Variants in ARPC1B observed in about 807,000 individuals in gnomAD.
ARPC1B encodes the protein actin related protein 2/3 complex subunit 1B.
ARPC1B carries 29 observed loss-of-function variants against 46.0 expected under a neutral mutation model. That is an observed-to-expected ratio of 0.63 (90% CI 0.47 to 0.86). ARPC1B has a LOEUF of 0.86. Ranked by LOEUF, ARPC1B falls within the 40% of genes least tolerant of loss-of-function variation. ARPC1B has a pLI of 0.00. For synonymous variants in ARPC1B, 201 were observed against 213.9 expected, an observed-to-expected ratio of 0.94 and a Z score of 0.53; for missense variants, 469 against 529.4, an observed-to-expected ratio of 0.89 and a Z score of 1.12.
intron 5 of ARPC1B, among the ~76,000 whole-genome samples, chr7:99,390,538 G>A (rs1325793875): frequency 5.3e-5 from 8 of 151,772 alleles, no homozygotes; most frequent in East Asian, 3.9e-4. Context: ...CACCATGCCC[G>A]GCTAATTTTT....
intron 8 of ARPC1B, 74 bp downstream of exon 8, chr7:99,392,950 G>T (rs983604905): frequency 8.9e-5 from 124 of 1,389,490 alleles, no homozygotes; most frequent in South Asian, 3.2e-4. Flanking sequence ...TGAGGAAGGG[G>T]CCTGGAGTCT....
rs1377015028 is a variant in ARPC1B at position 99,391,009 on chromosome 7, A to G, written c.617A>G (p.His206Arg). 3.1e-6 allele frequency: 5 copies of G among 1,613,874 alleles called. No individual in the cohort carries two copies. Among genetic ancestry groups the G allele is most frequent in the Admixed American group, 1.7e-5 (1 of 60,010 alleles). The change falls in exon 6 of 10, where the codon CAT becomes CGT. Residue 206 changes from histidine (H) to arginine (R), a missense_variant. Transcript: ENST00000646101. ...FESSSSCGWVHGVCFSASGSR... is the reference protein window; with the variant it reads ...FESSSSCGWVRGVCFSASGSR... ...TCCAGCAGTAGCTGCGGCTGGGTAC[A>G]TGGCGTCTGTTTCTCAGCCAGCGGG...
At position 99,394,796 on chromosome 7, in the gene ARPC1B, A is replaced by T; in HGVS notation, c.*307A>T. On this transcript the variant is annotated 3_prime_UTR_variant, in exon 10 of 10. Transcript: ENST00000646101. ...CAACTGTGTAAAAAAAAAAAAAAAA[A>T]AAAAAGTAATTATGGACATGCTTGC... 1 of 1,236,258 alleles carries T rather than the reference A, an allele frequency of 8.1e-7. No homozygotes were observed. Among genetic ancestry groups the T allele is most frequent in the African/African-American group, 1.6e-5 (1 of 64,266 alleles). The allele number at this position is 1,236,258 out of a possible 1,614,324, so 76.6% of individuals were successfully genotyped here.
intron 1 of ARPC1B, among the ~76,000 whole-genome samples, chr7:99,385,435 C>T (rs1489085148): frequency 6.6e-6 from 1 of 152,136 alleles, no homozygotes; most frequent in African/African-American, 2.4e-5. Flanking sequence ...CCGTCTCCTC[C>T]ACCCTGTCCC....
chr7:99,385,793 G>T lies in ARPC1B; in HGVS notation c.64+15G>T. 1 of 1,602,930 alleles carries T rather than the reference G, an allele frequency of 6.2e-7. No individual in the cohort carries two copies. ...GGACCGCACCCGTGAGTGCTTGCTG[G>T]GGGCCGGTGGGTGGCTGCTTCCACC... On this transcript the variant is annotated intron_variant, in intron 2 of 9. Coordinates refer to ENST00000646101, the MANE Select transcript of ARPC1B (RefSeq NM_005720.4).
At chr7:99,391,154 T>C in intron 6 of ARPC1B, 24 bp from the exon 7 acceptor site, 1 of 1,613,674 alleles carries the variant, frequency 6.2e-7, no homozygotes, top group African/African-American at 1.3e-5. Flanking sequence ...TGGGACACCG[T>C]GACTCACAGC....
At chr7:99,379,501 C>T (rs1794145371) in intron 1 of ARPC1B, among the ~76,000 whole-genome samples, 1 of 152,170 alleles carries the variant, frequency 6.6e-6, no homozygotes, top group African/African-American at 2.4e-5. Context: ...GATCTTTCCT[C>T]CAGGCAACTC....
upstream of ARPC1B, chr7:99,374,631 C>G (rs933863076): frequency 1.3e-5 from 2 of 152,258 alleles, no homozygotes; most frequent in East Asian, 3.9e-4. This position sits in a 1 kb window ranked among gnomAD's most constrained non-coding sequence, Gnocchi z 5.0. Flanking sequence ...ATCTCGCGAC[C>G]GCTGCCCCAG....
At chr7:99,393,939 CAAG>C in intron 8 of ARPC1B, 87 bp from the exon 9 acceptor site, 1 of 1,336,838 alleles carries the variant, frequency 7.5e-7, no homozygotes, top group South Asian at 1.2e-5. Flanking sequence ...GCCCGCTCCC[CAAG>C]AAGTCTGGGA....
At position 99,387,720 on chromosome 7, in the gene ARPC1B, G is replaced by A. The variant is rs1303119867; in HGVS notation, c.170-319G>A. On this transcript the variant is annotated intron_variant, in intron 3 of 9. Coordinates refer to ENST00000646101, the MANE Select transcript of ARPC1B (RefSeq NM_005720.4). ...CCAGTGCACTCCAGCTTGGGCGGCT[G>A]AGCGAGACTCTGTCTCAAAAAAAAA... Among the ~76,000 whole-genome samples the A allele has an allele frequency of 2.1e-4, 30 of 142,002 alleles. 1 individual carries two copies. Among genetic ancestry groups the A allele is most frequent in the South Asian group, 2.2e-4 (1 of 4,476 alleles). The allele number at this position is 142,002 out of a possible 152,430, so 93.2% of individuals were successfully genotyped here. A position where few individuals can be genotyped will look rare whatever the true frequency, so the allele number is the denominator to read the frequency against.
chr7:99,385,671 C>T (rs771366670), intron 1 of ARPC1B, 31 bp from the exon 2 acceptor site: 38 of 1,583,138 alleles, frequency 2.4e-5, no homozygotes, highest in Non-Finnish European at 3.0e-5. Flanking sequence ...TTGGGGCTGA[C>T]GTGGATTCTC....
intron 1 of ARPC1B, chr7:99,377,292 C>G (rs1049055026): frequency 6.6e-6 from 1 of 152,264 alleles, no homozygotes; most frequent in Non-Finnish European, 1.5e-5. Context: ...AGCCTCCACG[C>G]CTGCCTTATA....
In ARPC1B at chr7:99,394,650, T is replaced by TA; in HGVS notation, c.*162dup. 1 of 1,418,826 alleles carries TA rather than the reference T, an allele frequency of 7.0e-7. No homozygotes were observed. The highest frequency in any genetic ancestry group is 9.2e-7 in the Non-Finnish European group (1 of 1,088,750). The allele number at this position is 1,418,826 out of a possible 1,614,324, so 87.9% of individuals were successfully genotyped here. A position where few individuals can be genotyped will look rare whatever the true frequency, so the allele number is the denominator to read the frequency against. ...GAGGGGACAGATGGGGAGCTTTTCT[T>TA]ACCTATTCAAGGAATACGTGCCTTT... On this transcript the variant is annotated 3_prime_UTR_variant, in exon 10 of 10. Transcript: ENST00000646101.
chr7:99,393,084 G>T (rs960381046), intron 8 of ARPC1B, among the ~76,000 whole-genome samples: 7 of 152,086 alleles, frequency 4.6e-5, no homozygotes, highest in Admixed American at 1.3e-4. Flanking sequence ...GAGGGGACGG[G>T]GCCGATTTGT....
rs1476981535 is a variant in ARPC1B at position 99,386,518 on chromosome 7, G to A, written c.65-167G>A. ...GACAGCCAGTTCCAGGAGAAGACAG[G>A]GTGGCCTAGCAGGGCCTGAAGGACT... On this transcript the variant is annotated intron_variant, in intron 2 of 9. Transcript: ENST00000646101. 4.1e-6 allele frequency: 3 copies of A among 725,454 alleles called. No homozygotes were observed. The African/African-American group carries it at 5.2e-5, about 13-fold the overall frequency. The allele number at this position is 725,454 out of a possible 1,614,324, so 44.9% of individuals were successfully genotyped here.
rs139684043 is a variant in ARPC1B at position 99,386,896 on chromosome 7, G to A, written c.169+107G>A. The A allele has an allele frequency of 1.1e-4, 88 of 816,948 alleles. No homozygotes were observed. The East Asian group carries it at 1.8e-3, about 16-fold the overall frequency. 50.6% of individuals were successfully genotyped at this position (816,948 alleles called of 1,614,324 possible). A position where few individuals can be genotyped will look rare whatever the true frequency, so the allele number is the denominator to read the frequency against. On this transcript the variant is annotated intron_variant, in intron 3 of 9. Coordinates refer to ENST00000646101, the MANE Select transcript of ARPC1B (RefSeq NM_005720.4). Reference sequence around the variant, plus strand: ...ATTGTGGAGCATCTGCCCACTCACCGTGAAACCCGGATTCAAACTGGCTTC... The same window carrying A: ...ATTGTGGAGCATCTGCCCACTCACCATGAAACCCGGATTCAAACTGGCTTC...
chr7:99,390,839 A>C, intron 5 of ARPC1B, 54 bp from the exon 6 acceptor site: 1 of 1,497,522 alleles, frequency 6.7e-7, no homozygotes, highest in South Asian at 1.2e-5. Flanking sequence ...CTGAGAGTAC[A>C]GGTGCGCACC....
chr7:99,388,109 G>C lies in ARPC1B; in HGVS notation c.240G>C (p.Thr80=). ...CGTDRNAYVW[T]LKGRTWKPTL... ...CAGACCGCAACGCCTACGTGTGGAC[G>C]CTGAAGGGCCGCACATGGAAGCCCA... The change falls in exon 4 of 10, where the codon ACG becomes ACC. Residue 80 remains threonine (T), a synonymous_variant. Transcript: ENST00000646101. 1.2e-6 allele frequency: 2 copies of C among 1,614,130 alleles called. No individual in the cohort carries two copies. The highest frequency in any genetic ancestry group is 1.7e-6 in the Non-Finnish European group (2 of 1,180,000).
At chr7:99,388,324 C>G in intron 4 of ARPC1B, 63 bp downstream of exon 4, 1 of 1,519,468 alleles carries the variant, frequency 6.6e-7, no homozygotes, top group Non-Finnish European at 9.0e-7. Flanking sequence ...AGAGTGTCCC[C>G]GGGAAGCACC....
Sources: gnomAD v4.1 joint callset for allele counts (sites outside exome capture counted in the v4.1 genomes callset) on GRCh38, gnomAD v4.1.1 for gene constraint, Gnocchi (gnomAD v3.1) non-coding constraint, MANE v1.5 for transcripts, NCBI Gene and HGNC (gene_info 2026-07-23, HGNC 2026-07-21) for gene names.